SUGCT: variants seen among roughly 807,000 people sequenced by gnomAD.
SUGCT encodes the protein succinyl-CoA:glutarate CoA-transferase.
SUGCT carries 41 observed loss-of-function variants against 55.0 expected under a neutral mutation model. The ratio of observed to expected loss-of-function variants is 0.74; its 90% CI spans 0.58 to 0.97. The LOEUF is 0.97. Ranked by LOEUF, SUGCT falls within the 50% of genes least tolerant of loss-of-function variation. The probability of loss-of-function intolerance (pLI) is 0.00; values close to 1 mark genes in which losing one functional copy is unlikely to be tolerated. For missense variants in SUGCT, 568 were observed against 547.8 expected, an observed-to-expected ratio of 1.04 and a Z score of -0.37; for synonymous variants, 187 against 200.4, an observed-to-expected ratio of 0.93 and a Z score of 0.56.
intron 9 of SUGCT, among the ~76,000 whole-genome samples, chr7:40,350,417 G>A (rs949497567): frequency 3.3e-5 from 5 of 151,346 alleles, no homozygotes; most frequent in African/African-American, 2.4e-5. Context: ...AGGTTCAAGC[G>A]ATTTTTCTGC....
rs116528893 is a variant in SUGCT at position 40,399,717 on chromosome 7, G to A, written c.817-49570G>A. 1.9e-4 allele frequency among the ~76,000 whole-genome samples: 29 copies of A among 152,304 alleles called. 1 individual carries two copies. The highest frequency in any genetic ancestry group is 6.5e-4 in the African/African-American group (27 of 41,564). On this transcript the variant is annotated intron_variant, in intron 9 of 13. Transcript: ENST00000335693. ...TATTTTGCTTTTTGCTTTCCAATCT[G>A]TATGTCATTAATTTCTTTTTCTGGC...
intron 10 of SUGCT, among the ~76,000 whole-genome samples, chr7:40,458,434 T>G (rs1789604674): frequency 6.6e-6 from 1 of 152,198 alleles, no homozygotes; most frequent in Non-Finnish European, 1.5e-5. Flanking sequence ...AGGAAATCTA[T>G]AAAAGCATTT....
rs532440070 is a variant in SUGCT at position 40,274,797 on chromosome 7, G to A, written c.720+141G>A. 7.2e-6 allele frequency: 6 copies of A among 830,402 alleles called. No homozygotes were observed. In the African/African-American group the frequency reaches 8.7e-5, roughly 12 times the overall value. 51.4% of individuals were successfully genotyped at this position (830,402 alleles called of 1,614,324 possible). A position where few individuals can be genotyped will look rare whatever the true frequency, so the allele number is the denominator to read the frequency against. ...ACACTGAAAACTGTTTCATTTTGAT[G>A]TACTTGTTTCTTTTCTTTTTTGAGA... On this transcript the variant is annotated intron_variant, in intron 8 of 13. Coordinates refer to ENST00000335693, the MANE Select transcript of SUGCT (RefSeq NM_001193313.2).
At chr7:40,436,758 C>G (rs1024375630) in intron 9 of SUGCT, among the ~76,000 whole-genome samples, 13 of 152,148 alleles carry the variant, frequency 8.5e-5, no homozygotes, top group Non-Finnish European at 1.5e-4. Flanking sequence ...CCTGAAAAAT[C>G]AATATGGTCC....
At chr7:40,237,806 G>C (rs565764153) in intron 7 of SUGCT, 80 bp downstream of exon 7, 1 of 1,133,374 alleles carries the variant, frequency 8.8e-7, no homozygotes, top group African/African-American at 1.5e-5. Context: ...TAACCCATAG[G>C]ATTAAATGAG....
intron 13 of SUGCT, among the ~76,000 whole-genome samples, chr7:40,849,366 A>G (rs112813510): frequency 0.01 from 1,539 of 152,280 alleles, 9 homozygotes; most frequent in Non-Finnish European, 0.014. Context: ...GTGCTGATCA[A>G]TTGCCAGTGA....
chr7:40,813,757 G>A (rs1278597589), intron 13 of SUGCT, among the ~76,000 whole-genome samples: 2 of 152,114 alleles, frequency 1.3e-5, no homozygotes, highest in Non-Finnish European at 2.9e-5. Flanking sequence ...TGATCCTATC[G>A]AGAAATTGTT....
intron 12 of SUGCT, among the ~76,000 whole-genome samples, chr7:40,564,896 A>C (rs1796041468): frequency 6.6e-6 from 1 of 152,218 alleles, no homozygotes; most frequent in African/African-American, 2.4e-5. Flanking sequence ...TCTGTCTCCA[A>C]AATGCCCAAT....
chr7:40,875,018 T>G, the SUGCT span, among the ~76,000 whole-genome samples: 2 of 152,356 alleles, frequency 1.3e-5, no homozygotes, highest in East Asian at 3.9e-4. Flanking sequence ...TTCTCCCTGG[T>G]CAAGTTAGTC....
intron 12 of SUGCT, among the ~76,000 whole-genome samples, chr7:40,549,126 C>T (rs1795166595): frequency 6.6e-6 from 1 of 152,112 alleles, no homozygotes; most frequent in African/African-American, 2.4e-5. Context: ...TCTTGTTCTC[C>T]TATTTCCCAC....
At chr7:40,914,278 C>CTT in the SUGCT span, among the ~76,000 whole-genome samples, 1 of 83,750 alleles carries the variant, frequency 1.2e-5, no homozygotes. Flanking sequence ...TTTTCTTTTT[C>CTT]TTTTTTTTTT....
At chr7:40,953,654 T>TA in the SUGCT span, among the ~76,000 whole-genome samples, 1 of 150,470 alleles carries the variant, frequency 6.6e-6, no homozygotes, top group Non-Finnish European at 1.5e-5. Flanking sequence ...TTCTGTTTGT[T>TA]AGTTTTCCCT....
chr7:40,735,156 T>C (rs1239025139), intron 12 of SUGCT, among the ~76,000 whole-genome samples: 1 of 152,186 alleles, frequency 6.6e-6, no homozygotes, highest in Non-Finnish European at 1.5e-5. Flanking sequence ...AATGCTTTCT[T>C]AACTTGAAAG....
chr7:40,158,216 G>A (rs985642700), intron 1 of SUGCT, among the ~76,000 whole-genome samples: 1 of 151,782 alleles, frequency 6.6e-6, no homozygotes, highest in East Asian at 1.9e-4. Flanking sequence ...AAAAAAAAAT[G>A]TGATATTTTC....
At chr7:40,536,685 C>T (rs536840006) in intron 12 of SUGCT, among the ~76,000 whole-genome samples, 6 of 152,302 alleles carry the variant, frequency 3.9e-5, no homozygotes, top group African/African-American at 1.4e-4. Flanking sequence ...AGATCTGGTC[C>T]TGGTCCTTGG....
At chr7:40,980,711 T>C in the SUGCT span, among the ~76,000 whole-genome samples, 1 of 152,192 alleles carries the variant, frequency 6.6e-6, no homozygotes. Flanking sequence ...CATTAAATTT[T>C]TTTTTTAGAT....
chr7:40,442,459 C>T (rs1429817054), intron 9 of SUGCT, among the ~76,000 whole-genome samples: 1 of 152,030 alleles, frequency 6.6e-6, no homozygotes, highest in Non-Finnish European at 1.5e-5. Flanking sequence ...GTTGCTTCTT[C>T]TGGGTGATGA....
chr7:40,245,937 C>T (rs973501767), intron 7 of SUGCT, among the ~76,000 whole-genome samples: 23 of 151,960 alleles, frequency 1.5e-4, no homozygotes, highest in African/African-American at 5.3e-4. Flanking sequence ...TGGGCTGAAT[C>T]GATCCTCCCA....
the SUGCT span, among the ~76,000 whole-genome samples, chr7:40,908,978 T>C: frequency 6.6e-6 from 1 of 152,204 alleles, no homozygotes. Flanking sequence ...AGATACATCA[T>C]ATGCAGAAGA....
Sources: allele counts gnomAD v4.1 joint callset (sites outside exome capture counted in the v4.1 genomes callset), GRCh38; gene constraint gnomAD v4.1.1; transcripts MANE v1.5; gene names NCBI Gene and HGNC (gene_info 2026-07-23, HGNC 2026-07-21).